The following SIPA1L3 variants were observed in gnomAD, a reference collection of about 807,000 sequenced individuals.
The protein encoded by SIPA1L3 is signal-induced proliferation-associated 1-like protein 3.
In SIPA1L3, 59 loss-of-function variants were observed where a neutral mutation model predicts 150.1. The ratio of observed to expected loss-of-function variants is 0.39; its 90% confidence interval spans 0.32 to 0.49. The LOEUF is 0.49. SIPA1L3 is among the 20% of genes least tolerant of loss of function. The probability of loss-of-function intolerance (pLI) is 0.86; values close to 1 mark genes in which losing one functional copy is unlikely to be tolerated. For synonymous variants in SIPA1L3, 1,070 were observed against 1,077.6 expected (o/e 0.99, Z 0.14); for missense variants, 2,211 against 2,489.5 (o/e 0.89, Z 2.38).
intron 10 of SIPA1L3, chr19:38,131,531 TGTG>T: frequency 6.5e-6 from 1 of 153,524 alleles, no homozygotes; most frequent in East Asian, 1.9e-4. Flanking sequence ...AGGCAGGCGG[TGTG>T]GGCTTCATGG....
chr19:37,929,454 A>G (rs1444506218), intron 1 of SIPA1L3, among the ~76,000 whole-genome samples: 1 of 152,226 alleles, frequency 6.6e-6, no homozygotes, highest in African/African-American at 2.4e-5. Context: ...TTCTCTAATC[A>G]TGCCCACCTT....
intron 16 of SIPA1L3, among the ~76,000 whole-genome samples, chr19:38,189,785 A>G (rs909808160): frequency 6.6e-6 from 1 of 152,170 alleles, no homozygotes; most frequent in Non-Finnish European, 1.5e-5. Context: ...AGAAAAAGAA[A>G]GTGAATCCCA....
chr19:38,008,592 C>G (rs902613039), intron 1 of SIPA1L3, among the ~76,000 whole-genome samples: 6 of 151,618 alleles, frequency 4.0e-5, no homozygotes, highest in Non-Finnish European at 7.4e-5. Context: ...TCTTTTTTTT[C>G]CCCTTAGAGA....
At chr19:38,016,399 T>C (rs1226149505) in intron 1 of SIPA1L3, among the ~76,000 whole-genome samples, 2 of 152,230 alleles carry the variant, frequency 1.3e-5, no homozygotes, top group Non-Finnish European at 2.9e-5. Context: ...TTTTCTGCCA[T>C]CCACTGGTGG....
intron 1 of SIPA1L3, among the ~76,000 whole-genome samples, chr19:38,019,091 C>A (rs937622547): frequency 2.0e-5 from 3 of 152,200 alleles, no homozygotes; most frequent in Admixed American, 2.0e-4. Context: ...GTGTAAAATA[C>A]TGTCCCATCA....
At chr19:38,171,115 C>CA (rs898382051) in intron 15 of SIPA1L3, among the ~76,000 whole-genome samples, 12 of 151,320 alleles carry the variant, frequency 7.9e-5, no homozygotes, top group African/African-American at 2.9e-4. Context: ...TTACCATTAA[C>CA]AAAAAAACAG....
intron 1 of SIPA1L3, among the ~76,000 whole-genome samples, chr19:37,994,182 G>A (rs180867750): frequency 2.6e-5 from 4 of 152,306 alleles, no homozygotes; most frequent in East Asian, 3.9e-4. Flanking sequence ...GATTACAGGC[G>A]TGAGCCATCA....
intron 1 of SIPA1L3, among the ~76,000 whole-genome samples, chr19:37,934,971 GT>G (rs922929658): frequency 1.7e-4 from 26 of 151,170 alleles, no homozygotes; most frequent in East Asian, 1.2e-3. Flanking sequence ...TTCTCCTAGA[GT>G]TTTTTTTTCC....
chr19:38,023,420 C>T (rs544217257), intron 1 of SIPA1L3, among the ~76,000 whole-genome samples: 13 of 152,284 alleles, frequency 8.5e-5, no homozygotes, highest in African/African-American at 3.1e-4. Context: ...TGATTAATTG[C>T]AAGATGATCT....
At position 38,082,753 on chromosome 19, in the gene SIPA1L3, C is replaced by T. The variant is rs1411086470; in HGVS notation, c.1188C>T (p.Asp396=). The change falls in exon 3 of 22, where the codon GAC becomes GAT. Residue 396 remains aspartate, a synonymous_variant. Transcript: ENST00000222345. ...GGGCCCACAGCCTCGGAGGCCTGGA[C>T]CCGGCCTTCACCAGCACAGAGGACC... ...ASRAHSLGGL[D]PAFTSTEDLN... 1.2e-6 allele frequency: 2 copies of T among 1,612,976 alleles called. No homozygotes were observed. Among genetic ancestry groups the T allele is most frequent in the Admixed American group, 1.7e-5 (1 of 60,022 alleles).
chr19:38,151,530 C>A (rs1362688130), intron 12 of SIPA1L3, among the ~76,000 whole-genome samples: 1 of 152,164 alleles, frequency 6.6e-6, no homozygotes, highest in Non-Finnish European at 1.5e-5. Context: ...CCCTTCGTGT[C>A]TCATCAGCCA....
intron 2 of SIPA1L3, among the ~76,000 whole-genome samples, chr19:38,070,201 T>C (rs1298279650): frequency 1.3e-5 from 2 of 151,458 alleles, no homozygotes; most frequent in Non-Finnish European, 2.9e-5. Context: ...CCTATCTATC[T>C]ATCTATCTAT....
intron 15 of SIPA1L3, among the ~76,000 whole-genome samples, chr19:38,174,350 G>A (rs1374408928): frequency 2.0e-5 from 3 of 152,152 alleles, no homozygotes; most frequent in Non-Finnish European, 2.9e-5. Flanking sequence ...CATGACACAC[G>A]TCAGGGAGAG....
At chr19:38,075,019 C>G (rs1969808864) in intron 2 of SIPA1L3, among the ~76,000 whole-genome samples, 1 of 152,208 alleles carries the variant, frequency 6.6e-6, no homozygotes, top group Non-Finnish European at 1.5e-5. Flanking sequence ...CAGGCATGAG[C>G]CACTGTGCCC....
At chr19:38,144,821 G>C (rs1443793635) in intron 12 of SIPA1L3, among the ~76,000 whole-genome samples, 1 of 152,218 alleles carries the variant, frequency 6.6e-6, no homozygotes, top group Non-Finnish European at 1.5e-5. Context: ...TAGAGGAAGA[G>C]GGAACACAGC....
chr19:38,035,873 G>C lies in SIPA1L3; in HGVS notation c.-311+6717G>C, dbSNP rs374555876. 2.2e-4 allele frequency among the ~76,000 whole-genome samples: 33 copies of C among 152,300 alleles called. No individual in the cohort carries two copies. The East Asian group carries it at 3.1e-3, about 14-fold the overall frequency. ...TAACAGCCTATAAGATAATAAGCGT[G>C]AGCTGCTGCTGTTGTGATTATTCAT... is the stretch of plus-strand genomic sequence containing the variant. On this transcript the variant is annotated intron_variant, in intron 2 of 21. Coordinates refer to ENST00000222345, the MANE Select transcript of SIPA1L3 (RefSeq NM_015073.3).
intron 1 of SIPA1L3, among the ~76,000 whole-genome samples, chr19:37,960,629 G>A (rs1027523694): frequency 6.6e-6 from 1 of 151,386 alleles, no homozygotes; most frequent in Non-Finnish European, 1.5e-5. Context: ...GGATGGTCTC[G>A]ATCTCCTGAC....
At chr19:37,944,908 G>T (rs2046696012) in intron 1 of SIPA1L3, among the ~76,000 whole-genome samples, 4 of 151,824 alleles carry the variant, frequency 2.6e-5, no homozygotes, top group African/African-American at 9.7e-5. Flanking sequence ...CGAGGTTGTT[G>T]CCACTGCACT....
intron 1 of SIPA1L3, among the ~76,000 whole-genome samples, chr19:37,994,280 T>G (rs955039647): frequency 1.1e-4 from 16 of 152,162 alleles, no homozygotes; most frequent in African/African-American, 3.9e-4. Context: ...AGTTGGTACT[T>G]AAGCCAAAAA....
Sources: gnomAD v4.1 joint callset for allele counts (sites outside exome capture counted in the v4.1 genomes callset) on GRCh38, gnomAD v4.1.1 for gene constraint, MANE v1.5 for transcripts, NCBI Gene and HGNC (gene_info 2026-07-23, HGNC 2026-07-21) for gene names.